The following VDR variants were observed in gnomAD, a reference collection of about 807,000 sequenced individuals.
VDR encodes vitamin D3 receptor.
VDR carries 19 observed loss-of-function variants against 39.7 expected under a neutral mutation model. The ratio of observed to expected loss-of-function variants is 0.48; its 90% CI spans 0.33 to 0.70. VDR has a LOEUF of 0.70. Among genes scored for constraint, VDR ranks in the 30% least tolerant of loss-of-function variants. The pLI, the probability that VDR is intolerant of heterozygous loss-of-function variation, is 0.02. For missense variants in VDR, 442 were observed against 570.5 expected, an observed-to-expected ratio of 0.77 and a Z score of 2.29; for synonymous variants, 242 against 215.8, an observed-to-expected ratio of 1.12 and a Z score of -1.07.
At chr12:47,881,105 T>TAC (rs1946141874) in intron 2 of VDR, among the ~76,000 whole-genome samples, 2 of 84,378 alleles carry the variant, frequency 2.4e-5, no homozygotes, top group South Asian at 5.9e-4. Flanking sequence ...TGTGTGTGTG[T>TAC]ATATATATAT....
intron 1 of VDR, among the ~76,000 whole-genome samples, chr12:47,902,489 A>G (rs11574023): frequency 1.2e-4 from 18 of 152,344 alleles, no homozygotes; most frequent in African/African-American, 4.3e-4. Context: ...GCTATCCCTC[A>G]GAGGGCCTGG....
At chr12:47,851,107 C>T (rs1194338806) in intron 7 of VDR, among the ~76,000 whole-genome samples, 1 of 152,144 alleles carries the variant, frequency 6.6e-6, no homozygotes, top group East Asian at 1.9e-4. Flanking sequence ...ACCCCCAGGG[C>T]TCTTCCCTAG....
chr12:47,894,049 CTAT>C (rs1167927005), intron 1 of VDR, among the ~76,000 whole-genome samples: 1 of 152,258 alleles, frequency 6.6e-6, no homozygotes, highest in African/African-American at 2.4e-5. Context: ...CCTCACCAAG[CTAT>C]GATTCCCCTT....
rs1309870268 is a variant in VDR at position 47,882,754 on chromosome 12, A to G, written c.-63T>C. On this transcript the variant is annotated 5_prime_UTR_variant, in exon 2 of 10. Transcript: ENST00000549336. The stretch of plus-strand genomic sequence containing the variant: ...GGTGCTCTTCTGTGAGGTCTCACAG[A>G]CACTTCAGACCCAAAGGCTTCTGAA... The G allele has an allele frequency of 2.6e-6, 4 of 1,534,634 alleles. No homozygotes were observed. Among genetic ancestry groups the G allele is most frequent in the Admixed American group, 2.0e-5 (1 of 50,852 alleles).
chr12:47,871,234 C>T (rs999677668), intron 3 of VDR, among the ~76,000 whole-genome samples: 4 of 152,110 alleles, frequency 2.6e-5, no homozygotes, highest in African/African-American at 9.7e-5. Flanking sequence ...AGCCAAAGAC[C>T]GAACCTAAAT....
At chr12:47,864,469 C>T (rs1003911759) in intron 4 of VDR, among the ~76,000 whole-genome samples, 7 of 152,224 alleles carry the variant, frequency 4.6e-5, no homozygotes, top group African/African-American at 1.2e-4. Context: ...AGACTCTTTC[C>T]TCCTGGTCTC....
chr12:47,863,470 C>A (rs12721368), intron 4 of VDR, among the ~76,000 whole-genome samples: 87 of 152,308 alleles, frequency 5.7e-4, no homozygotes, highest in South Asian at 4.1e-4. Flanking sequence ...AACCGGACTC[C>A]CTGCTTTGCA....
chr12:47,866,620 C>T (rs943269950), intron 3 of VDR, among the ~76,000 whole-genome samples: 1 of 152,132 alleles, frequency 6.6e-6, no homozygotes, highest in African/African-American at 2.4e-5. Context: ...AAAGAAGGGG[C>T]CAGACAAGCA....
At position 47,848,555 on chromosome 12, in the gene VDR, CTTTTTTTTTT is replaced by C. The variant is rs1162881183; in HGVS notation, c.756-1757_756-1748del. Among the ~76,000 whole-genome samples, 17 of 58,162 alleles carry C rather than the reference CTTTTTTTTTT, an allele frequency of 2.9e-4. No individual in the cohort carries two copies. In the South Asian group the frequency reaches 7.8e-3, roughly 27 times the overall value. 38.2% of individuals were successfully genotyped at this position (58,162 alleles called of 152,430 possible). The stretch of plus-strand genomic sequence containing the variant: ...CTCTTTACATGCTTGTTTTCTACTC[CTTTTTTTTTT>C]TTTTTTTTTTTTTTTTTTTGAGACA... On this transcript the variant is annotated intron_variant, in intron 7 of 9. Transcript: ENST00000549336.
chr12:47,856,347 C>G (rs1945486760), intron 6 of VDR, among the ~76,000 whole-genome samples: 1 of 152,138 alleles, frequency 6.6e-6, no homozygotes. Context: ...AGTAGTCACA[C>G]TTCCTGGAAT....
Position 47,878,094 on chromosome 12 carries a change from T to C in VDR, c.146+874A>G, listed in dbSNP as rs374809007. Among the ~76,000 whole-genome samples, 5 of 152,304 alleles carry C rather than the reference T, an allele frequency of 3.3e-5. No individual in the cohort carries two copies. The South Asian group carries it at 8.3e-4, about 25-fold the overall frequency. On this transcript the variant is annotated intron_variant, in intron 3 of 9. Coordinates refer to ENST00000549336, the MANE Select transcript of VDR (RefSeq NM_000376.3). Reference sequence around the variant, plus strand: ...GACAACAACCAAGCCGACCTCAGCATCCTCCTCTGGACTTGATTTGTGCTT... The same window carrying C: ...GACAACAACCAAGCCGACCTCAGCACCCTCCTCTGGACTTGATTTGTGCTT...
intron 3 of VDR, among the ~76,000 whole-genome samples, chr12:47,871,903 T>C (rs1266027738): frequency 1.3e-5 from 2 of 152,226 alleles, no homozygotes; most frequent in Non-Finnish European, 2.9e-5. Context: ...AATGGTGACG[T>C]GTGTGCACAC....
At chr12:47,856,230 T>G (rs1396267041) in intron 6 of VDR, among the ~76,000 whole-genome samples, 1 of 152,166 alleles carries the variant, frequency 6.6e-6, no homozygotes, top group Non-Finnish European at 1.5e-5. Flanking sequence ...ATGCAGGAAA[T>G]TAGGCAATGC....
chr12:47,896,689 A>C (rs368346216), intron 1 of VDR: 1 of 152,158 alleles, frequency 6.6e-6, no homozygotes, highest in South Asian at 2.1e-4. Context: ...CAGGCTGTGC[A>C]CGTGGTTTCA....
intron 7 of VDR, among the ~76,000 whole-genome samples, chr12:47,855,245 T>C (rs1175653296): frequency 6.6e-6 from 1 of 152,082 alleles, no homozygotes; most frequent in African/African-American, 2.4e-5. Context: ...GGAGAATCAC[T>C]TGAACCCGGG....
chr12:47,863,652 C>T (rs1945669298), intron 4 of VDR, among the ~76,000 whole-genome samples: 2 of 152,302 alleles, frequency 1.3e-5, no homozygotes, highest in South Asian at 4.1e-4. Context: ...GGAGCCAGGG[C>T]GTGGCAGGGA....
chr12:47,869,649 C>T (rs767370894), intron 3 of VDR, among the ~76,000 whole-genome samples: 1 of 151,542 alleles, frequency 6.6e-6, no homozygotes, highest in Admixed American at 6.6e-5. Context: ...AAGCCCAGCA[C>T]TTTGGGAGGC....
intron 1 of VDR, chr12:47,900,000 G>C: frequency 1.0e-6 from 1 of 973,012 alleles, no homozygotes; most frequent in African/African-American, 1.7e-5. Context: ...GGCAAAGTGA[G>C]AATAGCTCCC....
chr12:47,902,025 C>T (rs1192534444), intron 1 of VDR, among the ~76,000 whole-genome samples: 1 of 152,156 alleles, frequency 6.6e-6, no homozygotes, highest in African/African-American at 2.4e-5. Flanking sequence ...ATTAAGCTAC[C>T]CCTGTTTTCC....
Sources: gnomAD v4.1 joint callset for allele counts (sites outside exome capture counted in the v4.1 genomes callset) on GRCh38, gnomAD v4.1.1 for gene constraint, MANE v1.5 for transcripts, NCBI Gene and HGNC (gene_info 2026-07-23, HGNC 2026-07-21) for gene names.